NBEA: variants seen among roughly 807,000 people sequenced by gnomAD.
NBEA encodes lysosomal-trafficking regulator 2.
NBEA carries 44 observed loss-of-function variants against 343.4 expected under a neutral mutation model. The observed-to-expected ratio is 0.13, with a 90% CI of 0.10 to 0.16. NBEA has a LOEUF of 0.16. NBEA is among the 10% of genes least tolerant of loss of function. The pLI is 1.00. For missense variants in NBEA, 2,555 were observed against 3,631.3 expected, an observed-to-expected ratio of 0.70 and a Z score of 7.62; for synonymous variants, 1,175 against 1,238.7, an observed-to-expected ratio of 0.95 and a Z score of 1.08.
intron 34 of NBEA, among the ~76,000 whole-genome samples, chr13:35,274,946 AT>A (rs1479696125): frequency 6.6e-6 from 1 of 152,218 alleles, no homozygotes; most frequent in Non-Finnish European, 1.5e-5. Context: ...CAATTTATAG[AT>A]TCAATGCTAT....
intron 40 of NBEA, among the ~76,000 whole-genome samples, chr13:35,454,862 C>T (rs1468979132): frequency 2.7e-4 from 40 of 150,716 alleles, no homozygotes; most frequent in Non-Finnish European, 4.4e-5. Context: ...TCCGTCTCAA[C>T]AAAATAAATA....
chr13:34,957,191 T>G (rs558292617), intron 1 of NBEA, among the ~76,000 whole-genome samples: 105 of 152,300 alleles, frequency 6.9e-4, no homozygotes, highest in Middle Eastern at 6.8e-3. Flanking sequence ...CTTGATTCTC[T>G]TATCTTGAAA....
chr13:35,204,542 C>T (rs780784753), intron 31 of NBEA, among the ~76,000 whole-genome samples: 1 of 152,040 alleles, frequency 6.6e-6, no homozygotes, highest in Non-Finnish European at 1.5e-5. Flanking sequence ...GCCCCTAGGT[C>T]CCTCCCACAA....
rs781565247 is a variant in NBEA, at chr13:35,566,895, T to C, written c.6923-10T>C. 6.7e-7 allele frequency: 1 copy of C among 1,494,060 alleles called. No homozygotes were observed. The highest frequency in any genetic ancestry group is 1.2e-5 in the South Asian group (1 of 82,500). The allele number at this position is 1,494,060 out of a possible 1,614,324, so 92.6% of individuals were successfully genotyped here. On this transcript the variant is annotated splice_polypyrimidine_tract_variant and intron_variant, in intron 44 of 58. Transcript: ENST00000379939. ...GTGTACAAATTTTTATTTCTGTTTTTCTTTACTAGGACGGACATATAATGA... is the reference window on the plus strand; with the variant it reads ...GTGTACAAATTTTTATTTCTGTTTTCCTTTACTAGGACGGACATATAATGA...
chr13:35,338,158 T>C (rs914049073), intron 36 of NBEA, among the ~76,000 whole-genome samples: 2 of 151,396 alleles, frequency 1.3e-5, no homozygotes, highest in African/African-American at 4.8e-5. Flanking sequence ...TAATAAAGCT[T>C]AATAAAACCA....
chr13:34,972,438 T>G (rs1303226677), intron 1 of NBEA, among the ~76,000 whole-genome samples: 3 of 152,162 alleles, frequency 2.0e-5, no homozygotes, highest in Admixed American at 1.3e-4. Flanking sequence ...ACTTGAGATC[T>G]CTCTAATTTT....
At chr13:35,313,254 A>T (rs993257455) in intron 36 of NBEA, among the ~76,000 whole-genome samples, 6 of 152,214 alleles carry the variant, frequency 3.9e-5, no homozygotes, top group South Asian at 4.1e-4. Context: ...CTTGTAACAC[A>T]TAATAACATC....
intron 1 of NBEA, among the ~76,000 whole-genome samples, chr13:35,024,139 C>T (rs923850705): frequency 1.3e-5 from 2 of 152,104 alleles, no homozygotes; most frequent in African/African-American, 4.8e-5. Flanking sequence ...ATAATAGCCT[C>T]TAGCTGCAAC....
rs140187217 is a variant in NBEA at position 35,045,853 on chromosome 13, A to G, written c.723+452A>G. Among the ~76,000 whole-genome samples, 231 of 151,912 alleles carry G rather than the reference A, an allele frequency of 1.5e-3. 4 individuals are homozygous for G. The East Asian group carries it at 0.043, about 28-fold the overall frequency. On this transcript the variant is annotated intron_variant, in intron 4 of 58. Transcript: ENST00000379939. ...AGCAATTCTCCTGCCTCAGCCTCCC[A>G]AGTAGCTGGTATTACAGACACCCGC... is the stretch of plus-strand genomic sequence containing the variant.
At chr13:35,122,101 A>G (rs977202499) in intron 16 of NBEA, among the ~76,000 whole-genome samples, 3 of 152,312 alleles carry the variant, frequency 2.0e-5, no homozygotes, top group African/African-American at 7.2e-5. Context: ...CTACTTTTAT[A>G]TAGTACTTGA....
At chr13:35,506,628 T>C (rs2152984027) in intron 41 of NBEA, among the ~76,000 whole-genome samples, 1 of 152,154 alleles carries the variant, frequency 6.6e-6, no homozygotes, top group East Asian at 1.9e-4. Context: ...AGTCAAAAGA[T>C]AAATCCTAAG....
intron 45 of NBEA, among the ~76,000 whole-genome samples, chr13:35,580,175 G>T (rs1017316752): frequency 6.6e-6 from 1 of 151,882 alleles, no homozygotes; most frequent in African/African-American, 2.4e-5. Context: ...TTGTTAAAGT[G>T]TTCACCTGTA....
intron 46 of NBEA, among the ~76,000 whole-genome samples, chr13:35,592,493 G>A (rs1326103924): frequency 1.3e-5 from 2 of 152,106 alleles, no homozygotes; most frequent in African/African-American, 4.8e-5. Context: ...CTGGAGAGCC[G>A]TGGTAGCGCA....
chr13:34,948,667 G>A (rs2059261130), intron 1 of NBEA, among the ~76,000 whole-genome samples: 1 of 152,162 alleles, frequency 6.6e-6, no homozygotes. Context: ...TTTTGAAATG[G>A]AGTGGAAGGC....
intron 38 of NBEA, among the ~76,000 whole-genome samples, chr13:35,377,262 G>T (rs2152888626): frequency 6.6e-6 from 1 of 152,224 alleles, no homozygotes; most frequent in South Asian, 2.1e-4. Flanking sequence ...CAGCAGCAAT[G>T]GTGAAACACA....
At position 35,196,928 on chromosome 13, in the gene NBEA, A is replaced by G. The variant is rs576894775; in HGVS notation, c.5366+626A>G. ...CGAAACTATTTATAACATGGCCCATATGTCATATATCTACATTCAAATGTT... is the reference window on the plus strand; with the variant it reads ...CGAAACTATTTATAACATGGCCCATGTGTCATATATCTACATTCAAATGTT... On this transcript the variant is annotated intron_variant, in intron 31 of 58. Coordinates refer to ENST00000379939, the MANE Select transcript of NBEA (RefSeq NM_001385012.1). Among the ~76,000 whole-genome samples, 29 of 152,274 alleles carry G rather than the reference A, an allele frequency of 1.9e-4. 1 individual carries two copies. Among genetic ancestry groups the G allele is most frequent in the African/African-American group, 7.0e-4 (29 of 41,572 alleles).
intron 41 of NBEA, among the ~76,000 whole-genome samples, chr13:35,535,528 C>CTG (rs1478016504): frequency 6.6e-6 from 1 of 152,120 alleles, no homozygotes; most frequent in Non-Finnish European, 1.5e-5. Context: ...TCACTCCTGA[C>CTG]TGAGGGTTCA....
At chr13:35,190,612 A>G (rs553196613) in intron 30 of NBEA, among the ~76,000 whole-genome samples, 1 of 152,180 alleles carries the variant, frequency 6.6e-6, no homozygotes, top group Non-Finnish European at 1.5e-5. Flanking sequence ...GATTTTACAG[A>G]ATTAGTTCAG....
chr13:35,222,080 G>C (rs946746721), intron 33 of NBEA, among the ~76,000 whole-genome samples: 1 of 151,938 alleles, frequency 6.6e-6, no homozygotes, highest in Non-Finnish European at 1.5e-5. Flanking sequence ...TTTTTATATA[G>C]TTATTGTGTT....
Sources: allele counts gnomAD v4.1 joint callset (sites outside exome capture counted in the v4.1 genomes callset), GRCh38; gene constraint gnomAD v4.1.1; transcripts MANE v1.5; gene names NCBI Gene and HGNC (gene_info 2026-07-23, HGNC 2026-07-21).